The following UQCRB variants were observed in gnomAD, a reference collection of about 807,000 sequenced individuals.
UQCRB encodes cytochrome b-c1 complex subunit 7.
UQCRB carries 12 observed loss-of-function variants against 19.8 expected under a neutral mutation model. The ratio of observed to expected loss-of-function variants is 0.61; its 90% CI spans 0.39 to 0.98. The LOEUF (loss-of-function observed/expected upper bound fraction) is 0.98, where lower values mean the gene tolerates loss of function less well. UQCRB is among the 50% of genes least tolerant of loss of function. The pLI is 0.00. For missense variants in UQCRB, 142 were observed against 131.8 expected (o/e 1.08, Z -0.38); for synonymous variants, 39 against 42.9 (o/e 0.91, Z 0.35).
Position 96,226,515 on chromosome 8 carries a change from C to A in UQCRB, c.*4540G>T. ...CAGTGTTTCCAGTTTAATGGCAAAC[C>A]ACATTTTAAATGCATGCATAAGAGA... On this transcript the variant is annotated 3_prime_UTR_variant, in exon 4 of 4. Transcript: ENST00000287022. 1 of 198,952 alleles carries A rather than the reference C, an allele frequency of 5.0e-6. No individual in the cohort carries two copies. The allele number at this position is 198,952 out of a possible 1,614,324, so 12.3% of individuals were successfully genotyped here. A position where few individuals can be genotyped will look rare whatever the true frequency, so the allele number is the denominator to read the frequency against.
intron 2 of UQCRB, chr8:96,232,189 A>G: frequency 2.1e-6 from 1 of 485,302 alleles, no homozygotes; most frequent in South Asian, 2.4e-5. Context: ...TAGACTATGG[A>G]AACAATATAT....
Position 96,224,715 on chromosome 8 carries a change from T to C in UQCRB, c.*6340A>G, listed in dbSNP as rs1809498820. 1.3e-5 allele frequency among the ~76,000 whole-genome samples: 2 copies of C among 152,180 alleles called. No individual in the cohort carries two copies. Among genetic ancestry groups the C allele is most frequent in the Admixed American group, 1.3e-4 (2 of 15,284 alleles). Reference sequence around the variant, plus strand: ...TGGACTTCTTAGTATCTCTCAAAAATATACTCTGCTCACACCATATCCCTA... The same window carrying C: ...TGGACTTCTTAGTATCTCTCAAAAACATACTCTGCTCACACCATATCCCTA... On this transcript the variant is annotated 3_prime_UTR_variant, in exon 4 of 4. Coordinates refer to ENST00000287022, the MANE Select transcript of UQCRB (RefSeq NM_006294.5).
chr8:96,230,418 T>TAAA lies in UQCRB; in HGVS notation c.*634_*636dup, dbSNP rs1205687139. 2 of 447,330 alleles carry TAAA rather than the reference T, an allele frequency of 4.5e-6. No homozygotes were observed. Among genetic ancestry groups the TAAA allele is most frequent in the Non-Finnish European group, 8.9e-6 (2 of 225,260 alleles). The allele number at this position is 447,330 out of a possible 1,614,324, so 27.7% of individuals were successfully genotyped here. ...ATTTTTAAAAATTACCCTATAATCT[T>TAAA]AAAACTTTTAACTGACTAGTATCCA... is the stretch of plus-strand genomic sequence containing the variant. On this transcript the variant is annotated 3_prime_UTR_variant, in exon 4 of 4. Coordinates refer to ENST00000287022, the MANE Select transcript of UQCRB (RefSeq NM_006294.5).
chr8:96,230,698 G>C lies in UQCRB; in HGVS notation c.*357C>G, dbSNP rs1303722286. 2.1e-6 allele frequency: 1 copy of C among 477,064 alleles called. No homozygotes were observed. The highest frequency in any genetic ancestry group is 1.5e-5 in the South Asian group (1 of 64,688). 29.6% of individuals were successfully genotyped at this position (477,064 alleles called of 1,614,324 possible). On this transcript the variant is annotated 3_prime_UTR_variant, in exon 4 of 4. Transcript: ENST00000287022. ...GCTATTTCTCAATCTTGGCAAACTA[G>C]GGGGTGCATACCCCCTTCTTTTATT... is the stretch of plus-strand genomic sequence containing the variant.
intron 1 of UQCRB, 160 bp downstream of exon 1, chr8:96,235,352 C>T: frequency 9.1e-7 from 1 of 1,097,404 alleles, no homozygotes; most frequent in Non-Finnish European, 1.4e-6. Context: ...GGACAGCAAA[C>T]GAGTGGGGAA....
chr8:96,230,440 T>A lies in UQCRB; in HGVS notation c.*615A>T, dbSNP rs775125616. 6.6e-6 allele frequency: 3 copies of A among 453,922 alleles called. No individual in the cohort carries two copies. Among genetic ancestry groups the A allele is most frequent in the South Asian group, 3.1e-5 (2 of 64,368 alleles). The allele number at this position is 453,922 out of a possible 1,614,324, so 28.1% of individuals were successfully genotyped here. ...TCTTAAAACTTTTAACTGACTAGTA[T>A]CCAACCCTTAAACTTCATAACAATC... On this transcript the variant is annotated 3_prime_UTR_variant, in exon 4 of 4. Transcript: ENST00000287022.
intron 3 of UQCRB, chr8:96,231,470 T>C (rs1206355585): frequency 6.5e-7 from 1 of 1,534,944 alleles, no homozygotes. Context: ...GGGCTGATCT[T>C]TTCATCTAAG....
chr8:96,227,941 A>C lies in UQCRB; in HGVS notation c.*3114T>G. 2.2e-6 allele frequency: 1 copy of C among 454,160 alleles called. No individual in the cohort carries two copies. Among genetic ancestry groups the C allele is most frequent in the Non-Finnish European group, 4.4e-6 (1 of 226,796 alleles). The allele number at this position is 454,160 out of a possible 1,614,324, so 28.1% of individuals were successfully genotyped here. ...TTTGGTACCACTCGTAGAGCGTCAC[A>C]TAAATATTCAGACCATGATAACTCA... On this transcript the variant is annotated 3_prime_UTR_variant, in exon 4 of 4. Coordinates refer to ENST00000287022, the MANE Select transcript of UQCRB (RefSeq NM_006294.5).
At chr8:96,234,655 T>C (rs554665949) in intron 1 of UQCRB, 8 of 484,870 alleles carry the variant, frequency 1.6e-5, no homozygotes, top group African/African-American at 1.6e-4. Context: ...TCACAATTGC[T>C]GGGGGCGGGG....
At chr8:96,235,380 G>T (rs1809786088) in intron 1 of UQCRB, 132 bp downstream of exon 1, 2 of 1,315,708 alleles carry the variant, frequency 1.5e-6, no homozygotes, top group Non-Finnish European at 2.2e-6. Context: ...CTTTTCACTG[G>T]ACTGAAGCAG....
Position 96,231,765 on chromosome 8 carries a change from C to T in UQCRB, c.258+9G>A, listed in dbSNP as rs1334040379. The T allele has an allele frequency of 6.2e-7, 1 of 1,614,054 alleles. No homozygotes were observed. The highest frequency in any genetic ancestry group is 8.5e-7 in the Non-Finnish European group (1 of 1,179,948). ...GAGCAACACTGTCAGGTAGATAAAG[C>T]TGTGCTACCTCTTCATATTTGGTCC... is the stretch of plus-strand genomic sequence containing the variant. On this transcript the variant is annotated intron_variant, in intron 3 of 3. Coordinates refer to ENST00000287022, the MANE Select transcript of UQCRB (RefSeq NM_006294.5).
chr8:96,235,143 G>C, intron 1 of UQCRB: 1 of 425,898 alleles, frequency 2.3e-6, no homozygotes, highest in Non-Finnish European at 4.4e-6. Flanking sequence ...TAGAGCACTT[G>C]GGTCATAGAA....
intron 3 of UQCRB, 51 bp from the exon 4 acceptor site, chr8:96,231,183 C>A (rs1809663867): frequency 1.2e-6 from 2 of 1,611,932 alleles, no homozygotes; most frequent in Non-Finnish European, 1.7e-6. Flanking sequence ...TGATATATCC[C>A]AAACACTCAA....
intron 3 of UQCRB, 72 bp from the exon 4 acceptor site, chr8:96,231,204 A>G (rs1563537480): frequency 6.2e-7 from 1 of 1,613,586 alleles, no homozygotes. Flanking sequence ...CAGGTCTTCA[A>G]TAACAAGAAA....
chr8:96,225,070 G>C lies in UQCRB; in HGVS notation c.*5985C>G, dbSNP rs974823118. Among the ~76,000 whole-genome samples, 13 of 152,150 alleles carry C rather than the reference G, an allele frequency of 8.5e-5. No homozygotes were observed. The highest frequency in any genetic ancestry group is 3.1e-4 in the African/African-American group (13 of 41,436). On this transcript the variant is annotated 3_prime_UTR_variant, in exon 4 of 4. Coordinates refer to ENST00000287022, the MANE Select transcript of UQCRB (RefSeq NM_006294.5). ...ATAAAGGTCTCATACAAATAGATAA[G>C]AACTGACCCAGGTTTGGGAAGGGGG...
At chr8:96,234,531 C>A (rs1468702676) in intron 1 of UQCRB, 1 of 1,283,346 alleles carries the variant, frequency 7.8e-7, no homozygotes, top group Non-Finnish European at 1.0e-6. Context: ...AAGACTCCTT[C>A]AATATCTGCC....
In UQCRB at chr8:96,228,179, C is replaced by G. The variant is rs1364847758; in HGVS notation, c.*2876G>C. On this transcript the variant is annotated 3_prime_UTR_variant, in exon 4 of 4. Transcript: ENST00000287022. ...GTAAAACAAACAAACAGAACATAGACCACTTCAGAGTAAACAAACATAACT... is the reference window on the plus strand; with the variant it reads ...GTAAAACAAACAAACAGAACATAGAGCACTTCAGAGTAAACAAACATAACT... The G allele has an allele frequency of 2.2e-6, 1 of 454,112 alleles. No homozygotes were observed. Among genetic ancestry groups the G allele is most frequent in the East Asian group, 6.9e-5 (1 of 14,402 alleles). The allele number at this position is 454,112 out of a possible 1,614,324, so 28.1% of individuals were successfully genotyped here. A position where few individuals can be genotyped will look rare whatever the true frequency, so the allele number is the denominator to read the frequency against.
rs1483800695 is a variant in UQCRB, at chr8:96,230,180, A to G, written c.*875T>C. 1 of 452,266 alleles carries G rather than the reference A, an allele frequency of 2.2e-6. No individual in the cohort carries two copies. Among genetic ancestry groups the G allele is most frequent in the African/African-American group, 2.0e-5 (1 of 49,936 alleles). 28.0% of individuals were successfully genotyped at this position (452,266 alleles called of 1,614,324 possible). On this transcript the variant is annotated 3_prime_UTR_variant, in exon 4 of 4. Coordinates refer to ENST00000287022, the MANE Select transcript of UQCRB (RefSeq NM_006294.5). ...AACCTCCACCTCCTGGGGTCAAGCA[A>G]TTCTCCTCCCTCAGCCTCCCGAGTA... is the stretch of plus-strand genomic sequence containing the variant.
In UQCRB at chr8:96,224,962, C is replaced by CA. The variant is rs1289859115; in HGVS notation, c.*6092dup. On this transcript the variant is annotated 3_prime_UTR_variant, in exon 4 of 4. Coordinates refer to ENST00000287022, the MANE Select transcript of UQCRB (RefSeq NM_006294.5). ...CCATGAACAAAGTTGAAAAGGCATC[C>CA]AAAAAACCTCAAATAAAATTCAAAC... Among the ~76,000 whole-genome samples, 3 of 151,878 alleles carry CA rather than the reference C, an allele frequency of 2.0e-5. No homozygotes were observed. The highest frequency in any genetic ancestry group is 2.1e-4 in the South Asian group (1 of 4,808).
Sources: gnomAD v4.1 joint callset for allele counts (sites outside exome capture counted in the v4.1 genomes callset) on GRCh38, gnomAD v4.1.1 for gene constraint, MANE v1.5 for transcripts, NCBI Gene and HGNC (gene_info 2026-07-23, HGNC 2026-07-21) for gene names.